Variants in PLD1 observed in about 807,000 individuals in gnomAD.
The protein encoded by PLD1 is phospholipase D1, also known as choline phosphatase 1.
PLD1 carries 112 observed loss-of-function variants against 137.1 expected under a neutral mutation model. The ratio of observed to expected loss-of-function variants is 0.82; its 90% CI spans 0.70 to 0.96. PLD1 has a LOEUF of 0.96. PLD1 is among the 40% of genes least tolerant of loss of function. The pLI, the probability that PLD1 is intolerant of heterozygous loss-of-function variation, is 0.00. For synonymous variants in PLD1, 431 were observed against 454.7 expected (o/e 0.95, Z 0.66); for missense variants, 1,321 against 1,342.0 (o/e 0.98, Z 0.24).
At chr3:171,676,612 G>A (rs1713379672) in intron 18 of PLD1, 103 bp downstream of exon 18, 2 of 875,404 alleles carry the variant, frequency 2.3e-6, no homozygotes, top group South Asian at 1.5e-5. Context: ...ACACAGTTGT[G>A]GCCACAACAG....
intron 9 of PLD1, among the ~76,000 whole-genome samples, chr3:171,711,252 C>A (rs1334018191): frequency 6.9e-6 from 1 of 145,826 alleles, no homozygotes; most frequent in East Asian, 2.1e-4. Flanking sequence ...CTCACTCCAA[C>A]TTCCGCCTCC....
At chr3:171,763,004 GTAA>G (rs1301045944) in intron 1 of PLD1, among the ~76,000 whole-genome samples, 1 of 152,158 alleles carries the variant, frequency 6.6e-6, no homozygotes, top group Non-Finnish European at 1.5e-5. Context: ...TTAGCTCATA[GTAA>G]GTGCTTATGA....
At position 171,601,920 on chromosome 3, in the gene PLD1, G is replaced by A. The variant is rs1731855945; in HGVS notation, c.*1158C>T. 6.6e-6 allele frequency: 1 copy of A among 152,154 alleles called. No homozygotes were observed. Among genetic ancestry groups the A allele is most frequent in the Non-Finnish European group, 1.5e-5 (1 of 68,024 alleles). 9.4% of individuals were successfully genotyped at this position (152,154 alleles called of 1,614,324 possible). On this transcript the variant is annotated 3_prime_UTR_variant, in exon 27 of 27. Transcript: ENST00000351298. Reference sequence around the variant, plus strand: ...CAGACTAGGGCATTGTAACTTCACTGGAAGCCCTGGTGAGAGGCGTTAATA... The same window carrying A: ...CAGACTAGGGCATTGTAACTTCACTAGAAGCCCTGGTGAGAGGCGTTAATA...
intron 21 of PLD1, among the ~76,000 whole-genome samples, chr3:171,656,285 C>T (rs12106843): frequency 0.035 from 5,389 of 151,966 alleles, 344 homozygotes; most frequent in African/African-American, 0.12. Context: ...GTTCTCCTAC[C>T]GCAGCCACCT....
intron 14 of PLD1, 35 bp from the exon 15 acceptor site, chr3:171,687,619 A>G (rs765376156): frequency 3.7e-6 from 5 of 1,366,654 alleles, no homozygotes; most frequent in East Asian, 2.3e-5. Context: ...AAGACACTGC[A>G]TAAGACATGC....
At chr3:171,677,785 CT>C in intron 16 of PLD1, 91 bp from the exon 17 acceptor site, 8 of 1,286,774 alleles carry the variant, frequency 6.2e-6, no homozygotes, top group Non-Finnish European at 7.6e-6. Context: ...CACCTAAAAG[CT>C]TCTTAATTTC....
chr3:171,751,867 A>G (rs956389550), intron 1 of PLD1, among the ~76,000 whole-genome samples: 8 of 152,034 alleles, frequency 5.3e-5, no homozygotes, highest in Non-Finnish European at 1.5e-5. Flanking sequence ...GGGCATGGTG[A>G]TGGGCGCCTG....
intron 1 of PLD1, among the ~76,000 whole-genome samples, chr3:171,744,572 T>A (rs1246274933): frequency 6.6e-6 from 1 of 152,218 alleles, no homozygotes; most frequent in African/African-American, 2.4e-5. Context: ...CTGACGCTGC[T>A]TTTATCCCTG....
In PLD1 at chr3:171,733,435, A is replaced by G. The variant is rs1186093062; in HGVS notation, c.606+9T>C. On this transcript the variant is annotated intron_variant, in intron 6 of 26. Coordinates refer to ENST00000351298, the MANE Select transcript of PLD1 (RefSeq NM_002662.5). ...TTACTCCAAACTTAAATCACTGACT[A>G]GTACTTACTGTGGCATGATAGTTTC... is the stretch of plus-strand genomic sequence containing the variant. 9.3e-7 allele frequency: 1 copy of G among 1,079,406 alleles called. No individual in the cohort carries two copies. Among genetic ancestry groups the G allele is most frequent in the African/African-American group, 1.6e-5 (1 of 63,866 alleles). The allele number at this position is 1,079,406 out of a possible 1,614,324, so 66.9% of individuals were successfully genotyped here.
At chr3:171,711,081 C>T (rs1160579232) in intron 9 of PLD1, among the ~76,000 whole-genome samples, 1 of 150,554 alleles carries the variant, frequency 6.6e-6, no homozygotes, top group Non-Finnish European at 1.5e-5. Flanking sequence ...CCATGTTAGG[C>T]TGGTCTCGAA....
intron 7 of PLD1, among the ~76,000 whole-genome samples, chr3:171,725,191 A>T (rs1718415095): frequency 6.6e-6 from 1 of 152,094 alleles, no homozygotes; most frequent in South Asian, 2.1e-4. Flanking sequence ...AGTATAATAA[A>T]TATATATAAA....
At chr3:171,693,114 C>T (rs1563262) in intron 12 of PLD1, among the ~76,000 whole-genome samples, 76,399 of 151,916 alleles carry the variant, frequency 0.5, 20,177 homozygotes, top group African/African-American at 0.66. Context: ...CCTATTTAAT[C>T]GAGTCAAATT....
intron 23 of PLD1, 105 bp from the exon 24 acceptor site, chr3:171,620,625 AG>A (rs1733511866): frequency 5.5e-6 from 3 of 540,910 alleles, no homozygotes; most frequent in Non-Finnish European, 9.5e-6. Context: ...TGTTCAGAAT[AG>A]ATTGTATATT....
chr3:171,780,541 C>CA (rs71178237), intron 1 of PLD1, among the ~76,000 whole-genome samples: 13 of 150,362 alleles, frequency 8.6e-5, no homozygotes, highest in East Asian at 3.9e-4. Flanking sequence ...TAAAGGGGGC[C>CA]AAAAAAAAAA....
In PLD1 at chr3:171,666,181, C is replaced by T. The variant is rs146342205; in HGVS notation, c.2230-4011G>A. The T allele has an allele frequency of 3.9e-3, 591 of 152,284 alleles. 1 individual carries two copies. Among genetic ancestry groups the T allele is most frequent in the African/African-American group, 0.014 (564 of 41,550 alleles). 9.4% of individuals were successfully genotyped at this position (152,284 alleles called of 1,614,324 possible). The stretch of plus-strand genomic sequence containing the variant: ...TCAAATAAGTCAAACCCATTGTATT[C>T]GTCTGTTCTCATGCTGCTAATAAAG... On this transcript the variant is annotated intron_variant, in intron 19 of 26. Coordinates refer to ENST00000351298, the MANE Select transcript of PLD1 (RefSeq NM_002662.5).
intron 1 of PLD1, among the ~76,000 whole-genome samples, chr3:171,795,671 C>T (rs1383199635): frequency 6.6e-6 from 1 of 152,180 alleles, no homozygotes; most frequent in Non-Finnish European, 1.5e-5. Context: ...GCACATCACA[C>T]CCAGTCACAA....
chr3:171,652,004 C>CT (rs1736808288), intron 21 of PLD1, among the ~76,000 whole-genome samples: 1 of 152,166 alleles, frequency 6.6e-6, no homozygotes, highest in Admixed American at 6.6e-5. Flanking sequence ...AAAAGGTCTC[C>CT]TGCCACGATC....
intron 8 of PLD1, among the ~76,000 whole-genome samples, chr3:171,723,947 G>A (rs1033854971): frequency 6.6e-6 from 1 of 152,072 alleles, no homozygotes; most frequent in Admixed American, 6.5e-5. Flanking sequence ...CTGTGCAGAA[G>A]CTTTTTAACT....
intron 1 of PLD1, among the ~76,000 whole-genome samples, chr3:171,744,446 GC>G (rs1719996911): frequency 6.6e-6 from 1 of 152,112 alleles, no homozygotes; most frequent in Admixed American, 6.5e-5. Context: ...CCCAAACACA[GC>G]CCTTCCACTG....
Sources: gnomAD v4.1 joint callset for allele counts (sites outside exome capture counted in the v4.1 genomes callset) on GRCh38, gnomAD v4.1.1 for gene constraint, MANE v1.5 for transcripts, NCBI Gene and HGNC (gene_info 2026-07-23, HGNC 2026-07-21) for gene names.